The following MARK1 variants were observed in gnomAD, a reference collection of about 807,000 sequenced individuals.
The protein encoded by MARK1 is microtubule affinity regulating kinase 1.
Under a neutral mutation model 96.3 loss-of-function variants are expected in MARK1, and 40 were observed. That is an observed-to-expected ratio of 0.42 (90% CI 0.32 to 0.54). MARK1 has a LOEUF of 0.54. MARK1 is among the 20% of genes least tolerant of loss of function. The pLI is 0.16. For synonymous variants in MARK1, 317 were observed against 341.2 expected (o/e 0.93, Z 0.78); for missense variants, 719 against 984.6 (o/e 0.73, Z 3.61).
chr1:220,631,619 G>A (rs1188938467), intron 10 of MARK1, among the ~76,000 whole-genome samples: 1 of 151,982 alleles, frequency 6.6e-6, no homozygotes, highest in African/African-American at 2.4e-5. Flanking sequence ...CTTCTAACTT[G>A]TTCTCTTCAT....
At chr1:220,570,167 T>C (rs956474917) in intron 1 of MARK1, among the ~76,000 whole-genome samples, 1 of 152,098 alleles carries the variant, frequency 6.6e-6, no homozygotes, top group Admixed American at 6.6e-5. Context: ...AATATGACAC[T>C]GAACCTGGCT....
chr1:220,653,481 C>T, intron 16 of MARK1, 129 bp downstream of exon 16: 1 of 995,090 alleles, frequency 1.0e-6, no homozygotes, highest in Non-Finnish European at 1.4e-6. Context: ...TGCTCTTTTA[C>T]AGAGTTGGAA....
chr1:220,610,166 C>G (rs1418697579), intron 6 of MARK1, among the ~76,000 whole-genome samples: 2 of 152,192 alleles, frequency 1.3e-5, no homozygotes, highest in Non-Finnish European at 2.9e-5. Context: ...TTCCATTCTC[C>G]CTGTCACTTT....
At chr1:220,655,266 C>G (rs1392159651) in intron 16 of MARK1, among the ~76,000 whole-genome samples, 1 of 152,140 alleles carries the variant, frequency 6.6e-6, no homozygotes, top group Admixed American at 6.5e-5. Context: ...TCCTTACACT[C>G]TTGGTGATCT....
At chr1:220,635,673 T>A in intron 12 of MARK1, 144 bp downstream of exon 12, 1 of 1,162,174 alleles carries the variant, frequency 8.6e-7, no homozygotes. Flanking sequence ...ATATAATCCC[T>A]TTTGCAGGGA....
At chr1:220,545,439 GT>G (rs35422682) in intron 1 of MARK1, among the ~76,000 whole-genome samples, 35 of 87,262 alleles carry the variant, frequency 4.0e-4, no homozygotes, top group African/African-American at 1.3e-3. Flanking sequence ...CTTTCTCATG[GT>G]TTTTTTTTTT....
At position 220,528,699 on chromosome 1, in the gene MARK1, C is replaced by A; in HGVS notation, c.-124C>A. ...CGGGGCCGCTTGTTGCACCGCCCCG[C>A]GGCCTGCGGGAGCCGCTCGCCCCGG... On this transcript the variant is annotated 5_prime_UTR_variant, in exon 1 of 18. Transcript: ENST00000366917. 1.3e-6 allele frequency: 1 copy of A among 777,310 alleles called. No individual in the cohort carries two copies. The highest frequency in any genetic ancestry group is 1.9e-6 in the Non-Finnish European group (1 of 516,086). The allele number at this position is 777,310 out of a possible 1,614,324, so 48.2% of individuals were successfully genotyped here. A position where few individuals can be genotyped will look rare whatever the true frequency, so the allele number is the denominator to read the frequency against.
At chr1:220,646,015 C>T (rs956668112) in intron 13 of MARK1, among the ~76,000 whole-genome samples, 1 of 152,142 alleles carries the variant, frequency 6.6e-6, no homozygotes, top group Non-Finnish European at 1.5e-5. Flanking sequence ...AGGATGTCTT[C>T]CCTCACCACT....
intron 6 of MARK1, among the ~76,000 whole-genome samples, chr1:220,604,373 A>G (rs1372035099): frequency 6.6e-6 from 1 of 152,046 alleles, no homozygotes; most frequent in Non-Finnish European, 1.5e-5. Flanking sequence ...GATGAGACTC[A>G]CCTTATTAAG....
rs966097480 is a variant in MARK1, at chr1:220,607,847, G to T, written c.495+3710G>T. ...TTTCATTGTTTGTTGTTTATGTGAT[G>T]GATTACGTTTATTGATTTGCGTATA... On this transcript the variant is annotated intron_variant, in intron 6 of 17. Coordinates refer to ENST00000366917, the MANE Select transcript of MARK1 (RefSeq NM_018650.5). Among the ~76,000 whole-genome samples, 4 of 152,130 alleles carry T rather than the reference G, an allele frequency of 2.6e-5. No homozygotes were observed. The East Asian group carries it at 7.7e-4, about 29-fold the overall frequency.
At chr1:220,552,683 G>A (rs1384153311) in intron 1 of MARK1, among the ~76,000 whole-genome samples, 1 of 152,188 alleles carries the variant, frequency 6.6e-6, no homozygotes, top group Non-Finnish European at 1.5e-5. Context: ...GTCCACCAGT[G>A]AAGGTTTTGT....
intron 6 of MARK1, among the ~76,000 whole-genome samples, chr1:220,610,492 A>C (rs113591696): frequency 3.3e-5 from 5 of 152,240 alleles, no homozygotes; most frequent in African/African-American, 1.2e-4. Flanking sequence ...TGATGGGTTC[A>C]AACATCCTCC....
chr1:220,541,517 T>C (rs1010795365), intron 1 of MARK1, among the ~76,000 whole-genome samples: 2 of 152,206 alleles, frequency 1.3e-5, no homozygotes, highest in African/African-American at 2.4e-5. Flanking sequence ...TGTAGGGTAT[T>C]GAAATCTTTT....
In MARK1 at chr1:220,587,672, G is replaced by A. The variant is rs971292884; in HGVS notation, c.309+6554G>A. On this transcript the variant is annotated intron_variant, in intron 3 of 17. Transcript: ENST00000366917. The stretch of plus-strand genomic sequence containing the variant: ...GGCATGAGCCACCGTGCCCAGCCTT[G>A]TTCATTTATTTTTTATTGCTATTGT... Among the ~76,000 whole-genome samples the A allele has an allele frequency of 4.6e-5, 7 of 151,994 alleles. No homozygotes were observed. In the South Asian group the frequency reaches 1.5e-3, roughly 32 times the overall value.
intron 10 of MARK1, 46 bp downstream of exon 10, chr1:220,631,180 T>C: frequency 2.2e-6 from 3 of 1,350,166 alleles, no homozygotes; most frequent in Non-Finnish European, 3.2e-6. Context: ...AGGCAACAAG[T>C]AAGAGTCCTT....
chr1:220,634,834 A>ATT (rs141526252), intron 11 of MARK1, among the ~76,000 whole-genome samples: 4 of 150,080 alleles, frequency 2.7e-5, no homozygotes, highest in African/African-American at 9.7e-5. Flanking sequence ...AGTAAACCAG[A>ATT]TTTTTTTTTT....
intron 1 of MARK1, among the ~76,000 whole-genome samples, chr1:220,576,001 TTCTCTCCC>T (rs1663806404): frequency 9.4e-3 from 1 of 106 alleles, no homozygotes; most frequent in Non-Finnish European, 0.025. Flanking sequence ...TTTTTTTTTC[TTCTCTCCC>T]TCCCTCCCTC....
chr1:220,657,742 A>G (rs964829359), intron 16 of MARK1, 48 bp from the exon 17 acceptor site: 5 of 1,381,980 alleles, frequency 3.6e-6, no homozygotes, highest in Non-Finnish European at 4.9e-6. Flanking sequence ...TTTTCTTGAT[A>G]TATTTTTTAC....
At chr1:220,636,801 G>A (rs773160331) in intron 13 of MARK1, among the ~76,000 whole-genome samples, 1 of 151,984 alleles carries the variant, frequency 6.6e-6, no homozygotes, top group Non-Finnish European at 1.5e-5. Flanking sequence ...TACTCGGGAG[G>A]CTGAGGCAGG....
Sources: gnomAD v4.1 joint callset for allele counts (sites outside exome capture counted in the v4.1 genomes callset) on GRCh38, gnomAD v4.1.1 for gene constraint, MANE v1.5 for transcripts, NCBI Gene and HGNC (gene_info 2026-07-23, HGNC 2026-07-21) for gene names.